The following ZNF827 variants were observed in gnomAD, a reference collection of about 807,000 sequenced individuals.
ZNF827 encodes zinc finger protein 827.
In ZNF827, 13 loss-of-function variants were observed where a neutral mutation model predicts 102.4. The ratio of observed to expected loss-of-function variants is 0.13; its 90% confidence interval spans 0.08 to 0.20. ZNF827 has a LOEUF of 0.20. ZNF827 is among the 10% of genes least tolerant of loss of function. The pLI, the probability that ZNF827 is intolerant of heterozygous loss-of-function variation, is 1.00. For missense variants in ZNF827, 1,103 were observed against 1,344.4 expected, an observed-to-expected ratio of 0.82 and a Z score of 2.81; for synonymous variants, 523 against 536.2, an observed-to-expected ratio of 0.98 and a Z score of 0.34.
chr4:145,885,506 A>G (rs148397493), intron 4 of ZNF827, among the ~76,000 whole-genome samples, 172 bp downstream of exon 4: 2 of 152,260 alleles, frequency 1.3e-5, no homozygotes, highest in East Asian at 3.9e-4. Context: ...CACAAAGTCA[A>G]GGAGAAAATG....
chr4:145,903,768 T>C (rs1751613760), intron 1 of ZNF827, among the ~76,000 whole-genome samples: 1 of 152,262 alleles, frequency 6.6e-6, no homozygotes. Context: ...ATGTACATAA[T>C]ACCTGCTTAA....
At chr4:145,803,150 C>G (rs1049652564) in intron 8 of ZNF827, among the ~76,000 whole-genome samples, 2 of 152,064 alleles carry the variant, frequency 1.3e-5, no homozygotes, top group African/African-American at 2.4e-5. Context: ...TTATTTAACA[C>G]ACACATATGC....
chr4:145,860,722 G>A (rs34981026), intron 5 of ZNF827, among the ~76,000 whole-genome samples: 41,917 of 152,076 alleles, frequency 0.28, 6,429 homozygotes, highest in Non-Finnish European at 0.34. Flanking sequence ...TGGGAAAAAC[G>A]CATACATGGG....
chr4:145,909,640 G>A (rs1247306918), intron 1 of ZNF827, among the ~76,000 whole-genome samples: 1 of 152,234 alleles, frequency 6.6e-6, no homozygotes, highest in Non-Finnish European at 1.5e-5. Flanking sequence ...AAAGGAGAGG[G>A]AAGAGGTATC....
chr4:145,812,219 C>A (rs1483703784), intron 8 of ZNF827, among the ~76,000 whole-genome samples: 1 of 152,066 alleles, frequency 6.6e-6, no homozygotes, highest in Admixed American at 6.5e-5. Context: ...AGCCACTGCA[C>A]CAGACCAACT....
chr4:145,861,095 G>A (rs1465858192), intron 5 of ZNF827, among the ~76,000 whole-genome samples: 1 of 152,186 alleles, frequency 6.6e-6, no homozygotes, highest in Non-Finnish European at 1.5e-5. Context: ...TTCTCAAGGG[G>A]TAGGTCTATG....
intron 4 of ZNF827, among the ~76,000 whole-genome samples, chr4:145,872,843 C>T (rs1416213796): frequency 6.6e-6 from 1 of 151,172 alleles, no homozygotes; most frequent in East Asian, 2.0e-4. Context: ...CCACTGCACA[C>T]CAGCCTGGGT....
chr4:145,786,180 A>C (rs772875617), intron 8 of ZNF827, among the ~76,000 whole-genome samples: 3 of 152,214 alleles, frequency 2.0e-5, no homozygotes, highest in African/African-American at 4.8e-5. Flanking sequence ...AAAAGACTTT[A>C]GTTTGTTTCC....
chr4:145,791,575 T>C (rs1181838220), intron 8 of ZNF827, among the ~76,000 whole-genome samples: 1 of 152,212 alleles, frequency 6.6e-6, no homozygotes, highest in Non-Finnish European at 1.5e-5. Flanking sequence ...ATATTTTATT[T>C]TTTATATAAA....
intron 5 of ZNF827, among the ~76,000 whole-genome samples, chr4:145,864,116 C>T (rs1435950035): frequency 1.3e-5 from 2 of 151,872 alleles, no homozygotes; most frequent in Non-Finnish European, 2.9e-5. Context: ...TTGCTTGAAC[C>T]CAGGAACCCA....
At position 145,761,192 on chromosome 4, in the gene ZNF827, C is replaced by A; in HGVS notation, c.*424G>T. ...TTCTTGTCCTCCTCGGGGCAGTCCCCACTCTGGTGCTTCTTGACGTGGCGG... is the reference window on the plus strand; with the variant it reads ...TTCTTGTCCTCCTCGGGGCAGTCCCAACTCTGGTGCTTCTTGACGTGGCGG... On this transcript the variant is annotated 3_prime_UTR_variant, in exon 15 of 15. Transcript: ENST00000508784. The surrounding 1 kb of genome is among the most constrained non-coding windows in gnomAD (Gnocchi z 6.8). 1.6e-6 allele frequency: 2 copies of A among 1,289,848 alleles called. No homozygotes were observed. The highest frequency in any genetic ancestry group is 2.0e-6 in the Non-Finnish European group (2 of 988,880). 79.9% of individuals were successfully genotyped at this position (1,289,848 alleles called of 1,614,324 possible).
intron 9 of ZNF827, 133 bp downstream of exon 9, chr4:145,779,241 G>T (rs1170966487): frequency 2.4e-6 from 3 of 1,225,696 alleles, no homozygotes; most frequent in Non-Finnish European, 1.1e-6. Context: ...ACATGCCAGA[G>T]AAAATGGCTT....
At chr4:145,871,330 T>C (rs1206062078) in intron 4 of ZNF827, among the ~76,000 whole-genome samples, 1 of 152,244 alleles carries the variant, frequency 6.6e-6, no homozygotes, top group African/African-American at 2.4e-5. Context: ...ATGTCCTTTT[T>C]CCATTTTTAG....
intron 7 of ZNF827, among the ~76,000 whole-genome samples, chr4:145,835,873 G>A: frequency 6.6e-6 from 1 of 151,380 alleles, no homozygotes; most frequent in East Asian, 1.9e-4. Flanking sequence ...GCCTTTACAA[G>A]TTAGTTCAGG....
chr4:145,930,319 AGCTTCTTCAG>A (rs1561090337), intron 1 of ZNF827, among the ~76,000 whole-genome samples: 1 of 152,212 alleles, frequency 6.6e-6, no homozygotes, highest in African/African-American at 2.4e-5. Flanking sequence ...TTTGAAGGCC[AGCTTCTTCAG>A]CACACTCAAA....
chr4:145,825,779 G>A (rs777950794), intron 7 of ZNF827, among the ~76,000 whole-genome samples: 13 of 152,164 alleles, frequency 8.5e-5, no homozygotes, highest in Non-Finnish European at 1.8e-4. Flanking sequence ...TCACTGAGCT[G>A]CTCAGAAGAA....
chr4:145,868,352 T>C (rs973721273), intron 5 of ZNF827, among the ~76,000 whole-genome samples: 2 of 118,380 alleles, frequency 1.7e-5, no homozygotes, highest in Admixed American at 1.9e-4. Context: ...TGCTGAGGAT[T>C]TGAGGATTTT....
intron 8 of ZNF827, among the ~76,000 whole-genome samples, chr4:145,799,893 A>G (rs934444376): frequency 2.0e-5 from 3 of 152,210 alleles, no homozygotes; most frequent in Non-Finnish European, 4.4e-5. Flanking sequence ...GGATAACAAG[A>G]GAGAAGGAGC....
At chr4:145,910,330 C>G (rs756906924) in intron 1 of ZNF827, among the ~76,000 whole-genome samples, 1 of 152,122 alleles carries the variant, frequency 6.6e-6, no homozygotes, top group East Asian at 1.9e-4. Flanking sequence ...TTAGCCAGAC[C>G]TTCCATGGCC....
Sources: gnomAD v4.1 joint callset for allele counts (sites outside exome capture counted in the v4.1 genomes callset) on GRCh38, gnomAD v4.1.1 for gene constraint, Gnocchi (gnomAD v3.1) non-coding constraint, MANE v1.5 for transcripts, NCBI Gene and HGNC (gene_info 2026-07-23, HGNC 2026-07-21) for gene names.